NCBP2: variants seen among roughly 807,000 people sequenced by gnomAD.
NCBP2 encodes nuclear cap-binding protein subunit 2.
In NCBP2, 8 loss-of-function variants were observed where a neutral mutation model predicts 21.5. The ratio of observed to expected loss-of-function variants is 0.37; its 90% CI spans 0.22 to 0.67. The LOEUF (loss-of-function observed/expected upper bound fraction) is 0.67. NCBP2 is among the 30% of genes least tolerant of loss of function. The probability of loss-of-function intolerance (pLI) is 0.56; values close to 1 mark genes in which losing one functional copy is unlikely to be tolerated. For synonymous variants in NCBP2, 92 were observed against 75.8 expected (o/e 1.21, Z -1.11); for missense variants, 127 against 206.9 (o/e 0.61, Z 2.37).
intron 1 of NCBP2, 146 bp downstream of exon 1, chr3:196,942,280 T>G (rs1346332297): frequency 6.6e-7 from 1 of 1,504,314 alleles, no homozygotes; most frequent in East Asian, 2.5e-5. Flanking sequence ...CCAGCACCCA[T>G]TCCCTGCCTC....
intron 1 of NCBP2, chr3:196,941,639 A>C: frequency 5.9e-6 from 3 of 509,238 alleles, no homozygotes; most frequent in African/African-American, 1.9e-5. Context: ...ACAGCACTCG[A>C]TAAACGTTTA....
chr3:196,942,015 C>T, intron 1 of NCBP2: 1 of 1,535,928 alleles, frequency 6.5e-7, no homozygotes, highest in Non-Finnish European at 8.7e-7. Flanking sequence ...ATTTAAAAAA[C>T]AAAGCAAAAA....
chr3:196,937,099 CCAGAGTTA>C lies in NCBP2; in HGVS notation c.400-25_400-18del. 6.2e-7 allele frequency: 1 copy of C among 1,612,904 alleles called. No homozygotes were observed. The highest frequency in any genetic ancestry group is 8.5e-7 in the Non-Finnish European group (1 of 1,178,914). On this transcript the variant is annotated intron_variant, in intron 3 of 3. Transcript: ENST00000321256. ...ATCCCGAACCTTTAATGGAAAGAATCCAGAGTTACAGTATGGAAAAGAATGGTGTAACA... is the reference window on the plus strand; with the variant it reads ...ATCCCGAACCTTTAATGGAAAGAATCCAGTATGGAAAAGAATGGTGTAACA...
intron 1 of NCBP2, chr3:196,941,680 G>A (rs1213759441): frequency 7.8e-6 from 3 of 382,882 alleles, no homozygotes; most frequent in Non-Finnish European, 1.5e-5. Flanking sequence ...GTCCCGCCCC[G>A]CCAACCCCCA....
At chr3:196,941,600 C>T (rs1312280722) in intron 1 of NCBP2, 3 of 414,066 alleles carry the variant, frequency 7.2e-6, no homozygotes, top group South Asian at 3.5e-5. Context: ...CTTCCCTCTC[C>T]CTCTAGGGTT....
At chr3:196,939,030 C>CA in intron 2 of NCBP2, 1 of 429,190 alleles carries the variant, frequency 2.3e-6, no homozygotes, top group Non-Finnish European at 4.1e-6. Context: ...ACGTGAAGGG[C>CA]AAACATTCTT....
intron 2 of NCBP2, chr3:196,939,006 AT>A (rs57844817): frequency 0.26 from 81,941 of 314,932 alleles, 5,652 homozygotes; most frequent in African/African-American, 0.35. Context: ...ATTCTTTGGA[AT>A]TTTTTTTTTT....
intron 3 of NCBP2, 155 bp downstream of exon 3, chr3:196,937,355 T>A: frequency 8.7e-7 from 1 of 1,155,110 alleles, no homozygotes; most frequent in Non-Finnish European, 1.2e-6. Flanking sequence ...AAAAAAAAAA[T>A]TCACCCAAAC....
intron 3 of NCBP2, chr3:196,937,302 G>T (rs138261977): frequency 2.5e-6 from 2 of 801,766 alleles, no homozygotes; most frequent in East Asian, 5.3e-5. Context: ...GTTCAAGAAT[G>T]GTTGCTTGTT....
chr3:196,942,388 C>T, intron 1 of NCBP2, 38 bp downstream of exon 1: 1 of 1,603,798 alleles, frequency 6.2e-7, no homozygotes, highest in Admixed American at 1.7e-5. Context: ...AGCGTTCTTG[C>T]CCAGGGCCTT....
At chr3:196,938,934 A>C (rs921346386) in intron 2 of NCBP2, 7 of 222,152 alleles carry the variant, frequency 3.2e-5, no homozygotes, top group Non-Finnish European at 6.1e-5. Flanking sequence ...CTGGTAACTG[A>C]CTGCCTCTGG....
intron 1 of NCBP2, among the ~76,000 whole-genome samples, chr3:196,940,547 C>A (rs1445256677): frequency 6.6e-6 from 1 of 151,754 alleles, no homozygotes; most frequent in Non-Finnish European, 1.5e-5. Flanking sequence ...TAAGTAAGAT[C>A]CAAATAAATA....
At position 196,937,072 on chromosome 3, in the gene NCBP2, T is replaced by A; in HGVS notation, c.410A>T (p.Glu137Val). The A allele has an allele frequency of 6.2e-7, 1 of 1,614,158 alleles. No individual in the cohort carries two copies. The change falls in exon 4 of 4, where the codon GAG becomes GTG. Residue 137 changes from glutamate (E) to valine (V), a missense_variant. Physicochemically the swap from Glu to Val is moderately radical, Grantham distance 121. Transcript: ENST00000321256. ...CCCAGCATCGTAGTCCTGCCGATAC[T>A]CATCCCGAACCTTTAATGGAAAGAA... ...RGRSGGQVRD[E>V]YRQDYDAGRG...
chr3:196,942,005 A>G, intron 1 of NCBP2: 1 of 1,536,160 alleles, frequency 6.5e-7, no homozygotes, highest in Non-Finnish European at 8.7e-7. Context: ...TGCTTCGCCG[A>G]TTTAAAAAAC....
intron 1 of NCBP2, among the ~76,000 whole-genome samples, chr3:196,940,826 G>A (rs956949241): frequency 6.6e-6 from 1 of 152,204 alleles, no homozygotes; most frequent in Non-Finnish European, 1.5e-5. Context: ...TGGCACTTAG[G>A]CATCCCAGCA....
At position 196,939,394 on chromosome 3, in the gene NCBP2, G is replaced by A; in HGVS notation, c.117C>T (p.Ser39=). The change falls in exon 2 of 4, where the codon AGC becomes AGT. Residue 39 remains serine, a synonymous_variant. Transcript: ENST00000321256. ...NEEQEKLLKK[S]CTLYVGNLSF... ...AAAGATTTCCAACATATAACGTACA[G>A]CTTTTCTTCAGTAATTTTTCTTGTT... 6.2e-7 allele frequency: 1 copy of A among 1,609,306 alleles called. No homozygotes were observed. The highest frequency in any genetic ancestry group is 8.5e-7 in the Non-Finnish European group (1 of 1,177,958).
At chr3:196,940,101 A>C (rs1014353720) in intron 1 of NCBP2, 2 of 152,438 alleles carry the variant, frequency 1.3e-5, no homozygotes, top group African/African-American at 4.8e-5. Context: ...GCGGTGGCTC[A>C]TGCCTGTAAT....
chr3:196,942,026 GCC>G (rs1390365997), intron 1 of NCBP2: 9 of 1,535,896 alleles, frequency 5.9e-6, no homozygotes, highest in Non-Finnish European at 7.8e-6. Flanking sequence ...AAAGCAAAAA[GCC>G]CCGCATCTGC....
intron 1 of NCBP2, chr3:196,942,161 T>C: frequency 6.8e-7 from 1 of 1,460,216 alleles, no homozygotes; most frequent in Non-Finnish European, 9.0e-7. Flanking sequence ...CGCTCAAACC[T>C]CTCGGCACTG....
Sources: allele counts gnomAD v4.1 joint callset (sites outside exome capture counted in the v4.1 genomes callset), GRCh38; gene constraint gnomAD v4.1.1; transcripts MANE v1.5; gene names NCBI Gene and HGNC (gene_info 2026-07-23, HGNC 2026-07-21).